The following BPIFB3 variants were observed in gnomAD, a reference collection of about 807,000 sequenced individuals.
The protein encoded by BPIFB3 is BPI fold containing family B member 3, also known as BPI fold-containing family B member 3.
Under a neutral mutation model 53.1 loss-of-function variants are expected in BPIFB3, and 49 were observed. That is an observed-to-expected ratio of 0.92 (90% CI 0.73 to 1.17). The LOEUF (loss-of-function observed/expected upper bound fraction) is 1.17. Ranked by LOEUF, BPIFB3 falls within the 50% of genes most tolerant of loss-of-function variation. The pLI, the probability that BPIFB3 is intolerant of heterozygous loss-of-function variation, is 0.00. For synonymous variants in BPIFB3, 271 were observed against 269.6 expected (o/e 1.01, Z -0.05); for missense variants, 628 against 592.5 (o/e 1.06, Z -0.62).
chr20:33,056,961 C>A (rs1334869800), intron 2 of BPIFB3, among the ~76,000 whole-genome samples: 1 of 152,180 alleles, frequency 6.6e-6, no homozygotes, highest in Non-Finnish European at 1.5e-5. Context: ...TCTCTCTGGG[C>A]TAATCTAGCT....
chr20:33,060,256 C>T (rs545229156), intron 4 of BPIFB3, among the ~76,000 whole-genome samples: 1 of 152,346 alleles, frequency 6.6e-6, no homozygotes, highest in Non-Finnish European at 1.5e-5. Context: ...CACTCCTGGG[C>T]AATTCCTCTA....
chr20:33,056,777 A>G, intron 2 of BPIFB3, 79 bp downstream of exon 3: 1 of 1,476,752 alleles, frequency 6.8e-7, no homozygotes, highest in Non-Finnish European at 9.0e-7. Context: ...TCTCTTTGTA[A>G]TTTGTCCAAT....
chr20:33,060,360 T>C (rs1980402550), intron 4 of BPIFB3, among the ~76,000 whole-genome samples: 1 of 152,092 alleles, frequency 6.6e-6, no homozygotes, highest in African/African-American at 2.4e-5. Context: ...GCCCCTGCTC[T>C]CAGCACATGA....
At chr20:33,066,852 C>T in exon 9 of BPIFB3, 1 of 1,614,204 alleles carries the variant, frequency 6.2e-7, no homozygotes, top group East Asian at 2.2e-5. Context: ...CTGACAACTA[C>T]AGACCTGGCA....
intron 2 of BPIFB3, among the ~76,000 whole-genome samples, chr20:33,058,408 C>T (rs1600536610): frequency 6.6e-6 from 1 of 152,126 alleles, no homozygotes; most frequent in Non-Finnish European, 1.5e-5. Context: ...GTGACTAGCC[C>T]AAGCCCATCC....
At chr20:33,067,957 T>G (rs148332356) in intron 9 of BPIFB3, among the ~76,000 whole-genome samples, 1 of 152,236 alleles carries the variant, frequency 6.6e-6, no homozygotes, top group Non-Finnish European at 1.5e-5. Flanking sequence ...GACATACTTA[T>G]GTGTTCCAAG....
chr20:33,068,905 C>T, exon 10 of BPIFB3: 1 of 1,614,078 alleles, frequency 6.2e-7, no homozygotes, highest in Non-Finnish European at 8.5e-7. Flanking sequence ...GGTCTCCCTC[C>T]CAGCCAACAT....
chr20:33,071,339 T>C (rs1322525888), intron 12 of BPIFB3, 44 bp downstream of exon 13: 10 of 1,547,982 alleles, frequency 6.5e-6, no homozygotes, highest in African/African-American at 1.4e-5. Context: ...GATGAGAGTC[T>C]TCAGGTGTGG....
Position 33,060,005 on chromosome 20 carries a change from C to T in BPIFB3, c.501C>T (p.Leu167=), listed in dbSNP as rs750883003. ...TTATCCTCAAGCGCTGCAGCACGCT[C>T]CTGGGCCACATCAGCCTGTTCTCAG... is the stretch of plus-strand genomic sequence containing the variant. Residue 167 remains leucine (L), a synonymous_variant, in exon 4 of 15, where the codon CTC becomes CTT. Coordinates refer to ENST00000375494, the Ensembl canonical transcript of BPIFB3. 8.1e-6 allele frequency: 13 copies of T among 1,614,000 alleles called. No individual in the cohort carries two copies. The South Asian group carries it at 9.9e-5, about 12-fold the overall frequency.
intron 6 of BPIFB3, 120 bp from the exon 8 acceptor site, chr20:33,064,337 C>A (rs1980575660): frequency 3.7e-6 from 3 of 801,538 alleles, no homozygotes; most frequent in East Asian, 2.6e-5. Flanking sequence ...ACAGTAGCAG[C>A]CAAGTGAATG....
chr20:33,067,059 G>C (rs1401338588), intron 9 of BPIFB3, among the ~76,000 whole-genome samples, 182 bp downstream of exon 10: 1 of 152,256 alleles, frequency 6.6e-6, no homozygotes, highest in Non-Finnish European at 1.5e-5. Flanking sequence ...TTTGCTTAGA[G>C]AGTAAAGGAT....
chr20:33,067,488 G>A, intron 9 of BPIFB3, among the ~76,000 whole-genome samples: 1 of 152,356 alleles, frequency 6.6e-6, no homozygotes, highest in East Asian at 1.9e-4. Context: ...GGATGGAAAT[G>A]AAAGCTGGGT....
upstream of BPIFB3, among the ~76,000 whole-genome samples, chr20:33,054,169 C>G (rs1299495330): frequency 6.6e-6 from 1 of 151,980 alleles, no homozygotes; most frequent in Non-Finnish European, 1.5e-5. Flanking sequence ...TATTCACAGC[C>G]GGAGGGGTGG....
rs116393749 is a variant in BPIFB3, at chr20:33,056,830, A to G, written c.281+132A>G. 1.1e-3 allele frequency: 1,228 copies of G among 1,122,786 alleles called. 10 individuals carry two copies. The African/African-American group carries it at 0.018, about 16-fold the overall frequency. 69.6% of individuals were successfully genotyped at this position (1,122,786 alleles called of 1,614,324 possible). On this transcript the variant is annotated intron_variant, in intron 2 of 14. Transcript: ENST00000375494. Reference sequence around the variant, plus strand: ...TGGGAGGGTTGTGATCCGGGTCTAAAAATGATGACTCTACTGCATGCCTGG... The same window carrying G: ...TGGGAGGGTTGTGATCCGGGTCTAAGAATGATGACTCTACTGCATGCCTGG...
At chr20:33,067,823 C>A (rs1033551978) in intron 9 of BPIFB3, among the ~76,000 whole-genome samples, 2 of 152,160 alleles carry the variant, frequency 1.3e-5, no homozygotes, top group African/African-American at 4.8e-5. Context: ...AGCTTTAGAG[C>A]CCCATGTGGC....
rs1042727708 is a variant in BPIFB3, at chr20:33,068,785, G to T, written c.979-18G>T. The T allele has an allele frequency of 1.2e-6, 2 of 1,610,014 alleles. No homozygotes were observed. Among genetic ancestry groups the T allele is most frequent in the Non-Finnish European group, 1.7e-6 (2 of 1,177,728 alleles). On this transcript the variant is annotated intron_variant, in intron 9 of 14. Coordinates refer to ENST00000375494, the Ensembl canonical transcript of BPIFB3. ...TGTAGTCCTGGGGCATCTAAGTTAT[G>T]CCCCTGCATTTCTCCAGGCCCTGGG...
chr20:33,066,812 T>C lies in BPIFB3; in HGVS notation c.925-12T>C, dbSNP rs376864545. On this transcript the variant is annotated splice_polypyrimidine_tract_variant and intron_variant, in intron 8 of 14. Transcript: ENST00000375494. ...CTGTGCTCACCAACCCTCTCTCCCA[T>C]TGGGGGTCCAGGTTCCCAGCGATGT... is the stretch of plus-strand genomic sequence containing the variant. 109 of 1,613,828 alleles carry C rather than the reference T, an allele frequency of 6.8e-5. 1 individual carries two copies. Among genetic ancestry groups the C allele is most frequent in the Middle Eastern group, 4.9e-4 (3 of 6,084 alleles).
At chr20:33,059,617 A>T in intron 3 of BPIFB3, 135 bp downstream of exon 4, 1 of 734,930 alleles carries the variant, frequency 1.4e-6, no homozygotes, top group East Asian at 2.7e-5. Context: ...TTCCTCCCCA[A>T]GGGACTCCCA....
intron 2 of BPIFB3, among the ~76,000 whole-genome samples, chr20:33,059,112 G>C (rs1204202390): frequency 1.3e-5 from 2 of 152,116 alleles, no homozygotes; most frequent in Non-Finnish European, 2.9e-5. Context: ...ATGATGATAG[G>C]ACATTTGTTG....
Sources: allele counts gnomAD v4.1 joint callset (sites outside exome capture counted in the v4.1 genomes callset), GRCh38; gene constraint gnomAD v4.1.1; transcripts MANE v1.5; gene names NCBI Gene and HGNC (gene_info 2026-07-23, HGNC 2026-07-21).